The following EXOC6B variants were observed in gnomAD, a reference collection of about 807,000 sequenced individuals.
EXOC6B encodes SEC15 homolog B.
Under a neutral mutation model 113.5 loss-of-function variants are expected in EXOC6B, and 54 were observed. The ratio of observed to expected loss-of-function variants is 0.48; its 90% CI spans 0.38 to 0.60. The LOEUF is 0.60. Ranked by LOEUF, EXOC6B falls within the 20% of genes least tolerant of loss-of-function variation. The pLI, the probability that EXOC6B is intolerant of heterozygous loss-of-function variation, is 0.00. For missense variants in EXOC6B, 797 were observed against 977.5 expected, an observed-to-expected ratio of 0.82 and a Z score of 2.46; for synonymous variants, 357 against 339.0, an observed-to-expected ratio of 1.05 and a Z score of -0.58.
intron 5 of EXOC6B, among the ~76,000 whole-genome samples, chr2:72,719,095 G>A (rs1473984468): frequency 6.6e-6 from 1 of 152,176 alleles, no homozygotes; most frequent in Non-Finnish European, 1.5e-5. Flanking sequence ...GTGGGACTCT[G>A]TAGCTTTCTT....
At chr2:72,554,457 T>G (rs1346479441) in intron 8 of EXOC6B, among the ~76,000 whole-genome samples, 2 of 152,190 alleles carry the variant, frequency 1.3e-5, no homozygotes, top group Non-Finnish European at 2.9e-5. Flanking sequence ...TCCCCCATGC[T>G]GTTCTCATGA....
At chr2:72,639,564 C>G (rs992050863) in intron 6 of EXOC6B, among the ~76,000 whole-genome samples, 1 of 152,200 alleles carries the variant, frequency 6.6e-6, no homozygotes, top group Non-Finnish European at 1.5e-5. Context: ...AAGGACAAAT[C>G]CCACTGTCAC....
At chr2:72,614,860 C>T (rs999444317) in intron 6 of EXOC6B, among the ~76,000 whole-genome samples, 1 of 152,130 alleles carries the variant, frequency 6.6e-6, no homozygotes, top group Admixed American at 6.6e-5. Context: ...AAGAGGGGTT[C>T]ACTTTGGAGC....
intron 20 of EXOC6B, among the ~76,000 whole-genome samples, chr2:72,245,916 A>AT (rs1312783402): frequency 6.6e-6 from 1 of 152,240 alleles, no homozygotes; most frequent in East Asian, 1.9e-4. Context: ...AGTTAGAATG[A>AT]TTTAAAAAAC....
rs1573022882 is a variant in EXOC6B at position 72,220,405 on chromosome 2, CT to C, written c.2197-36219del. ...AAGGAGGGCTGCCTCCTCATGCCCC[CT>C]GGGGGCAGCAGAGATGATCACAAGC... On this transcript the variant is annotated intron_variant, in intron 20 of 21. Transcript: ENST00000272427. Among the ~76,000 whole-genome samples, 3 of 152,214 alleles carry C rather than the reference CT, an allele frequency of 2.0e-5. No individual in the cohort carries two copies. The East Asian group carries it at 5.8e-4, about 30-fold the overall frequency.
chr2:72,289,952 A>G (rs1271660151), intron 20 of EXOC6B, among the ~76,000 whole-genome samples: 1 of 152,204 alleles, frequency 6.6e-6, no homozygotes, highest in Non-Finnish European at 1.5e-5. Flanking sequence ...AAGGCCTGAA[A>G]AAACCACAAA....
chr2:72,333,343 C>A (rs1688510217), intron 20 of EXOC6B, among the ~76,000 whole-genome samples: 2 of 152,072 alleles, frequency 1.3e-5, no homozygotes, highest in African/African-American at 4.8e-5. Flanking sequence ...CCATAGGGAC[C>A]AAAACCACAA....
At chr2:72,317,559 T>TCACACACACACACACACACACACACACA (rs72124979) in intron 20 of EXOC6B, among the ~76,000 whole-genome samples, 2 of 140,600 alleles carry the variant, frequency 1.4e-5, no homozygotes, top group African/African-American at 5.1e-5. Flanking sequence ...TATGAACACA[T>TCACACACACACACACACACACACACACA]CACACACACA....
intron 20 of EXOC6B, among the ~76,000 whole-genome samples, chr2:72,225,766 C>G (rs576527090): frequency 1.3e-5 from 2 of 152,316 alleles, no homozygotes; most frequent in Non-Finnish European, 2.9e-5. Context: ...ATTCATTTAA[C>G]TATATATTGG....
chr2:72,201,703 A>G (rs1679506656), intron 20 of EXOC6B, among the ~76,000 whole-genome samples: 1 of 152,170 alleles, frequency 6.6e-6, no homozygotes, highest in African/African-American at 2.4e-5. Flanking sequence ...TTACATCCCC[A>G]TTTCTAAGTC....
intron 6 of EXOC6B, among the ~76,000 whole-genome samples, chr2:72,623,031 A>C (rs1380009519): frequency 6.6e-6 from 1 of 152,208 alleles, no homozygotes; most frequent in Non-Finnish European, 1.5e-5. Flanking sequence ...CTGCTGGGAC[A>C]CTAATAATAT....
intron 6 of EXOC6B, among the ~76,000 whole-genome samples, chr2:72,682,810 C>T (rs1676806665): frequency 6.6e-6 from 1 of 152,144 alleles, no homozygotes; most frequent in South Asian, 2.1e-4. Context: ...ATGGTATTAT[C>T]TTATATACTA....
chr2:72,560,734 T>C (rs1703844381), intron 7 of EXOC6B, among the ~76,000 whole-genome samples: 1 of 152,046 alleles, frequency 6.6e-6, no homozygotes, highest in South Asian at 2.1e-4. Flanking sequence ...TTAAGTTCCT[T>C]GATAGCACTG....
At chr2:72,626,798 T>C (rs1339078079) in intron 6 of EXOC6B, among the ~76,000 whole-genome samples, 1 of 152,154 alleles carries the variant, frequency 6.6e-6, no homozygotes, top group African/African-American at 2.4e-5. Context: ...TCTACTTAAA[T>C]GGGAGAAAAC....
intron 20 of EXOC6B, among the ~76,000 whole-genome samples, chr2:72,307,485 T>A (rs1222628481): frequency 6.6e-6 from 1 of 152,140 alleles, no homozygotes; most frequent in Non-Finnish European, 1.5e-5. Flanking sequence ...TGGCCACGCA[T>A]GCCCTTTCCC....
intron 18 of EXOC6B, among the ~76,000 whole-genome samples, chr2:72,405,904 T>A (rs1248565241): frequency 1.3e-5 from 2 of 152,132 alleles, no homozygotes; most frequent in Non-Finnish European, 2.9e-5. Context: ...AGACACAGAC[T>A]GGCAAATTGG....
At chr2:72,295,448 G>A (rs1390451128) in intron 20 of EXOC6B, among the ~76,000 whole-genome samples, 4 of 152,192 alleles carry the variant, frequency 2.6e-5, no homozygotes, top group Non-Finnish European at 5.9e-5. Flanking sequence ...AGAGCAGGGA[G>A]TGGTAAACTT....
At chr2:72,795,370 G>C (rs539006672) in intron 1 of EXOC6B, among the ~76,000 whole-genome samples, 1 of 152,106 alleles carries the variant, frequency 6.6e-6, no homozygotes, top group Admixed American at 6.5e-5. Flanking sequence ...TTCTAAACAA[G>C]TGAATGACTC....
intron 19 of EXOC6B, among the ~76,000 whole-genome samples, chr2:72,350,000 A>G (rs901229053): frequency 6.6e-6 from 1 of 152,196 alleles, no homozygotes; most frequent in Non-Finnish European, 1.5e-5. Flanking sequence ...AATTGTGGTC[A>G]GAACATAAAG....
Sources: allele counts gnomAD v4.1 joint callset (sites outside exome capture counted in the v4.1 genomes callset), GRCh38; gene constraint gnomAD v4.1.1; transcripts MANE v1.5; gene names NCBI Gene and HGNC (gene_info 2026-07-23, HGNC 2026-07-21).